The following ZNF318 variants were observed in gnomAD, a reference collection of about 807,000 sequenced individuals.
ZNF318 encodes endocrine regulator.
Under a neutral mutation model 124.2 loss-of-function variants are expected in ZNF318, and 51 were observed. The observed-to-expected ratio is 0.41, with a 90% CI of 0.33 to 0.52. ZNF318 has a LOEUF of 0.52. Ranked by LOEUF, ZNF318 falls within the 20% of genes least tolerant of loss-of-function variation. The pLI, the probability that ZNF318 is intolerant of heterozygous loss-of-function variation, is 0.23. For synonymous variants in ZNF318, 1,090 were observed against 1,040.7 expected (o/e 1.05, Z -0.91); for missense variants, 2,815 against 2,811.2 (o/e 1.00, Z -0.03).
chr6:43,364,056 T>A, intron 2 of ZNF318: 1 of 1,071,798 alleles, frequency 9.3e-7, no homozygotes, highest in South Asian at 1.3e-5. Flanking sequence ...AAGCTGCTCA[T>A]GATGGCTGGT....
At chr6:43,344,299 T>C (rs888374020) in intron 6 of ZNF318, among the ~76,000 whole-genome samples, 4 of 152,198 alleles carry the variant, frequency 2.6e-5, no homozygotes, top group Non-Finnish European at 4.4e-5. Flanking sequence ...ATACATTACA[T>C]ACCTCAAAAT....
chr6:43,346,943 G>A (rs892109394), intron 6 of ZNF318, among the ~76,000 whole-genome samples: 1 of 152,108 alleles, frequency 6.6e-6, no homozygotes, highest in Admixed American at 6.5e-5. Context: ...TGTAACTTTT[G>A]AACCTTAAAA....
intron 2 of ZNF318, chr6:43,364,047 A>T (rs765009039): frequency 9.2e-6 from 9 of 980,034 alleles, no homozygotes; most frequent in Non-Finnish European, 1.6e-6. Flanking sequence ...GTGCCCAAGA[A>T]GCTGCTCATG....
rs1779318889 is a variant in ZNF318, at chr6:43,338,318, G to A, written c.5680C>T (p.Leu1894Phe). Reference sequence around the variant, plus strand: ...ATAGCTGATCTGGCTGGGGAATGAAGCAGCAACTCTGGGGCAGAAATTTTC... The same window carrying A: ...ATAGCTGATCTGGCTGGGGAATGAAACAGCAACTCTGGGGCAGAAATTTTC... ...PVKISAPELL[L>F]HSPARSAMCL... Residue 1894 changes from leucine (L) to phenylalanine (F), a missense_variant, in exon 10 of 10, where the codon CTT becomes TTT. Transcript: ENST00000361428. 6.2e-7 allele frequency: 1 copy of A among 1,614,218 alleles called. No individual in the cohort carries two copies. The highest frequency in any genetic ancestry group is 8.5e-7 in the Non-Finnish European group (1 of 1,180,030).
At chr6:43,368,280 T>G (rs1022034717) in intron 1 of ZNF318, among the ~76,000 whole-genome samples, 4 of 152,198 alleles carry the variant, frequency 2.6e-5, no homozygotes, top group African/African-American at 9.6e-5. Flanking sequence ...TCGAGTTACT[T>G]GAACCTCTCT....
In ZNF318 at chr6:43,345,692, A is replaced by T. The variant is rs1267082422; in HGVS notation, c.3072+2632T>A. Reference sequence around the variant, plus strand: ...CTCCTAGGAAGACATGGAAAAAAATAGAGCTTGGGTGATAACACAGAATAT... The same window carrying T: ...CTCCTAGGAAGACATGGAAAAAAATTGAGCTTGGGTGATAACACAGAATAT... On this transcript the variant is annotated intron_variant, in intron 6 of 9. Coordinates refer to ENST00000361428, the MANE Select transcript of ZNF318 (RefSeq NM_014345.3). Among the ~76,000 whole-genome samples, 6 of 152,386 alleles carry T rather than the reference A, an allele frequency of 3.9e-5. No homozygotes were observed. In the East Asian group the frequency reaches 1.2e-3, roughly 29 times the overall value.
At chr6:43,340,729 C>G in intron 9 of ZNF318, 61 bp downstream of exon 9, 4 of 1,553,496 alleles carry the variant, frequency 2.6e-6, no homozygotes, top group Non-Finnish European at 3.5e-6. Context: ...CGCCATTTGA[C>G]AAAGTCAAAA....
chr6:43,339,934 G>A lies in ZNF318; in HGVS notation c.4064C>T (p.Pro1355Leu), dbSNP rs753580164. Residue 1355 changes from proline to leucine, a missense_variant, in exon 10 of 10, where the codon CCA becomes CTA. Coordinates refer to ENST00000361428, the MANE Select transcript of ZNF318 (RefSeq NM_014345.3). This position sits in a 1 kb window ranked among gnomAD's most constrained non-coding sequence, Gnocchi z 4.2. ...ACATGACTTGCGGAGTACTGTGGAT[G>A]GAATAGGCAGGTTGGGTCGGATCTT... The part of the protein sequence containing the change: ...QTKIRPNLPI[P>L]STVLRKSCSA... The A allele has an allele frequency of 6.2e-6, 10 of 1,614,180 alleles. No individual in the cohort carries two copies. The highest frequency in any genetic ancestry group is 5.5e-5 in the South Asian group (5 of 91,080).
rs2150748864 is a variant in ZNF318 at position 43,339,850 on chromosome 6, C to T, written c.4148G>A (p.Gly1383Glu). The stretch of plus-strand genomic sequence containing the variant: ...CACTGGCAGAGGTTTAGCAGTGGTT[C>T]CAGAGGACTTAATAGACAGAAAGGT... ...LNTFLSIKSSGTTAKPLPVVK... is the reference protein window; with the variant it reads ...LNTFLSIKSSETTAKPLPVVK... Residue 1383 changes from glycine (G) to glutamate (E), a missense_variant, in exon 10 of 10, where the codon GGA becomes GAA. Transcript: ENST00000361428. The surrounding 1 kb of genome is among the most constrained non-coding windows in gnomAD (Gnocchi z 4.2). The T allele has an allele frequency of 6.2e-7, 1 of 1,614,148 alleles. No homozygotes were observed. The highest frequency in any genetic ancestry group is 1.3e-5 in the African/African-American group (1 of 75,038).
At chr6:43,360,079 TGAG>T (rs1324949162) in intron 2 of ZNF318, among the ~76,000 whole-genome samples, 3 of 152,178 alleles carry the variant, frequency 2.0e-5, no homozygotes, top group Non-Finnish European at 2.9e-5. Context: ...ATAGGCTCCA[TGAG>T]GAGTGGCAAG....
At chr6:43,348,006 T>C (rs937692913) in intron 6 of ZNF318, among the ~76,000 whole-genome samples, 10 of 152,178 alleles carry the variant, frequency 6.6e-5, no homozygotes, top group East Asian at 1.9e-4. Flanking sequence ...GACATGAACA[T>C]AGTTGCTAAA....
rs972504910 is a variant in ZNF318, at chr6:43,337,932, A to G, written c.6066T>C (p.Val2022=). The change falls in exon 10 of 10, where the codon GTT becomes GTC. Residue 2022 remains valine (V), a synonymous_variant. Transcript: ENST00000361428. The stretch of plus-strand genomic sequence containing the variant: ...GGCTTACCCGAGTAGTGCAGAAATC[A>G]ACAGGCATATCCCCCAGATTCCCCA... The part of the protein sequence containing the change: ...TALGNLGDMP[V]DFCTTRVSPA... 6.2e-7 allele frequency: 1 copy of G among 1,614,218 alleles called. No homozygotes were observed. The highest frequency in any genetic ancestry group is 8.5e-7 in the Non-Finnish European group (1 of 1,180,042).
chr6:43,338,123 A>G lies in ZNF318; in HGVS notation c.5875T>C (p.Trp1959Arg), dbSNP rs751193839. The G allele has an allele frequency of 2.5e-6, 4 of 1,613,244 alleles. No homozygotes were observed. Among genetic ancestry groups the G allele is most frequent in the Admixed American group, 3.3e-5 (2 of 59,834 alleles). The change falls in exon 10 of 10, where the codon TGG (tryptophan) becomes CGG (arginine). Residue 1959 changes from tryptophan (W) to arginine (R), a missense_variant. Physicochemically the swap from Trp to Arg is moderately radical, Grantham distance 101 (BLOSUM62 -3). Coordinates refer to ENST00000361428, the MANE Select transcript of ZNF318 (RefSeq NM_014345.3). ...QVKKIYELAV[W>R]DENKKRPETW... ...TCTGGCCTCTTCTTGTTTTCATCCC[A>G]AACAGCCAACTCATAGATCTTTTTA...
At chr6:43,364,324 T>C (rs1332886385) in intron 2 of ZNF318, 4 of 229,950 alleles carry the variant, frequency 1.7e-5, no homozygotes, top group African/African-American at 2.8e-5. Flanking sequence ...TAAAGTGAAT[T>C]AAGCCTGAAA....
chr6:43,366,350 C>A (rs1027628263), intron 1 of ZNF318, among the ~76,000 whole-genome samples: 2 of 152,120 alleles, frequency 1.3e-5, no homozygotes, highest in Non-Finnish European at 2.9e-5. Flanking sequence ...ATTCTTAGTG[C>A]AATTAACAGT....
intron 3 of ZNF318, among the ~76,000 whole-genome samples, chr6:43,356,743 C>A (rs1779612877): frequency 6.6e-6 from 1 of 152,076 alleles, no homozygotes; most frequent in African/African-American, 2.4e-5. Context: ...GTCCAGTGTC[C>A]TACAACTCAT....
In ZNF318 at chr6:43,357,651, A is replaced by G; in HGVS notation, c.663T>C (p.Asp221=). ...AAGTTTCTTTTGTTCGGTAGTCCTC[A>G]TCAAGTTGTCCCAAGAAGGGACTGA... ...GPLSPFLGQL[D]EDYRTKETFL... is the part of the protein sequence containing the mutation. The change falls in exon 3 of 10, where the codon GAT becomes GAC. Residue 221 remains aspartate (D), a synonymous_variant. Transcript: ENST00000361428. 1 of 1,614,072 alleles carries G rather than the reference A, an allele frequency of 6.2e-7. No homozygotes were observed. The highest frequency in any genetic ancestry group is 8.5e-7 in the Non-Finnish European group (1 of 1,180,030).
intron 1 of ZNF318, 51 bp from the exon 2 acceptor site, chr6:43,365,491 A>G: frequency 6.4e-7 from 1 of 1,566,240 alleles, no homozygotes; most frequent in Non-Finnish European, 8.7e-7. Flanking sequence ...AGACATCCCT[A>G]CATCCAAAAA....
chr6:43,337,228 T>C lies in ZNF318; in HGVS notation c.6770A>G (p.Gln2257Arg), dbSNP rs769967263. The change falls in exon 10 of 10, where the codon CAG (glutamine) becomes CGG (arginine). Residue 2257 changes from glutamine (Q) to arginine (R), a missense_variant. Transcript: ENST00000361428. The part of the protein sequence containing the change: ...EQVIEDNMVP[Q>R]GMPEQETTVG... ...TGTAGTTTCCTGTTCAGGCATTCCC[T>C]GAGGGACCATATTGTCTTCAATTAC... 4.3e-6 allele frequency: 7 copies of C among 1,614,002 alleles called. No homozygotes were observed. In the Admixed American group the frequency reaches 1.2e-4, roughly 27 times the overall value.
Sources: allele counts gnomAD v4.1 joint callset (sites outside exome capture counted in the v4.1 genomes callset), GRCh38; gene constraint gnomAD v4.1.1; non-coding constraint Gnocchi (gnomAD v3.1); transcripts MANE v1.5; gene names NCBI Gene and HGNC (gene_info 2026-07-23, HGNC 2026-07-21).